Variants in ZZZ3 observed in about 807,000 individuals in gnomAD.
The protein encoded by ZZZ3 is ZZ-type zinc finger-containing protein 3.
A neutral mutation model predicts 95.2 loss-of-function variants in ZZZ3; 22 were observed. The ratio of observed to expected loss-of-function variants is 0.23; its 90% CI spans 0.17 to 0.33. The LOEUF (loss-of-function observed/expected upper bound fraction) is 0.33, where lower values mean the gene tolerates loss of function less well. ZZZ3 is among the 10% of genes least tolerant of loss of function. The pLI is 1.00. For synonymous variants in ZZZ3, 335 were observed against 358.9 expected, an observed-to-expected ratio of 0.93 and a Z score of 0.75; for missense variants, 885 against 1,066.5, an observed-to-expected ratio of 0.83 and a Z score of 2.37.
rs569773653 is a variant in ZZZ3, at chr1:77,659,057, A to G, written c.-402-17402T>C. ...AACATGGAGAAACCCCGTCTCTACT[A>G]AAAATACAAAATTAGCCGGGCGTAG... On this transcript the variant is annotated intron_variant, in intron 1 of 14. Coordinates refer to ENST00000370801, the MANE Select transcript of ZZZ3 (RefSeq NM_015534.6). Among the ~76,000 whole-genome samples, 362 of 151,858 alleles carry G rather than the reference A, an allele frequency of 2.4e-3. 1 individual carries two copies. Among genetic ancestry groups the G allele is most frequent in the South Asian group, 4.0e-3 (19 of 4,798 alleles).
At chr1:77,609,883 A>T (rs1416520286) in intron 5 of ZZZ3, among the ~76,000 whole-genome samples, 1 of 152,092 alleles carries the variant, frequency 6.6e-6, no homozygotes, top group Non-Finnish European at 1.5e-5. Flanking sequence ...AGGATACAGC[A>T]AAAGCCATGC....
chr1:77,624,634 T>C (rs971797724), intron 5 of ZZZ3, among the ~76,000 whole-genome samples: 1 of 152,180 alleles, frequency 6.6e-6, no homozygotes, highest in African/African-American at 2.4e-5. Flanking sequence ...TTCATCTGAC[T>C]CTTCATTTGG....
chr1:77,668,438 CCT>C (rs370092989), intron 1 of ZZZ3, among the ~76,000 whole-genome samples: 10 of 152,080 alleles, frequency 6.6e-5, no homozygotes, highest in African/African-American at 1.9e-4. Context: ...CTTCTCTGAG[CCT>C]CTGTTTCCAC....
chr1:77,574,982 G>T (rs1661779156), intron 12 of ZZZ3, among the ~76,000 whole-genome samples: 1 of 152,086 alleles, frequency 6.6e-6, no homozygotes, highest in South Asian at 2.1e-4. Flanking sequence ...TCAGGACATC[G>T]AGAATATCCT....
intron 4 of ZZZ3, among the ~76,000 whole-genome samples, chr1:77,638,968 A>G (rs1208243927): frequency 1.3e-5 from 2 of 152,154 alleles, no homozygotes; most frequent in East Asian, 1.9e-4. Context: ...TTAAATAGTC[A>G]CCTCTTTGAA....
At chr1:77,598,157 G>A (rs1424592522) in intron 5 of ZZZ3, among the ~76,000 whole-genome samples, 2 of 152,082 alleles carry the variant, frequency 1.3e-5, no homozygotes. Flanking sequence ...GACTACTGTT[G>A]ACCCAGAAGC....
At chr1:77,576,663 G>C (rs536147356) in intron 11 of ZZZ3, among the ~76,000 whole-genome samples, 4 of 151,916 alleles carry the variant, frequency 2.6e-5, no homozygotes, top group Non-Finnish European at 4.4e-5. Flanking sequence ...AACATTGATT[G>C]ACTGCTTATT....
chr1:77,645,887 C>T lies in ZZZ3; in HGVS notation c.-402-4232G>A, dbSNP rs566288173. Among the ~76,000 whole-genome samples the T allele has an allele frequency of 5.4e-4, 81 of 150,836 alleles. 1 individual carries two copies. The highest frequency in any genetic ancestry group is 1.0e-3 in the Non-Finnish European group (68 of 67,844). On this transcript the variant is annotated intron_variant, in intron 1 of 14. Transcript: ENST00000370801. ...TCGGGAGGCTGAGGCAGAAGAATTG[C>T]TTGAACCTGGGAGGTGGTGGTTGCA... is the stretch of plus-strand genomic sequence containing the variant.
chr1:77,589,535 T>G (rs1202242120), intron 5 of ZZZ3, among the ~76,000 whole-genome samples: 1 of 151,974 alleles, frequency 6.6e-6, no homozygotes, highest in Non-Finnish European at 1.5e-5. Context: ...ACTCCTGGGC[T>G]AAAGTGATCC....
At position 77,622,153 on chromosome 1, in the gene ZZZ3, A is replaced by G. The variant is rs988489507; in HGVS notation, c.1505+9697T>C. Among the ~76,000 whole-genome samples the G allele has an allele frequency of 3.4e-3, 507 of 151,054 alleles. 4 individuals are homozygous for G. Among genetic ancestry groups the G allele is most frequent in the African/African-American group, 0.012 (482 of 41,220 alleles). ...TGTCTCCACAAAAAAAAAAAAAAAA[A>G]AAAATTAGCCAGGTGTGGTGGCACA... On this transcript the variant is annotated intron_variant, in intron 5 of 14. Coordinates refer to ENST00000370801, the MANE Select transcript of ZZZ3 (RefSeq NM_015534.6).
At chr1:77,590,199 C>A (rs1292469272) in intron 5 of ZZZ3, among the ~76,000 whole-genome samples, 2 of 152,160 alleles carry the variant, frequency 1.3e-5, no homozygotes, top group African/African-American at 4.8e-5. Flanking sequence ...ATGGTGAAGC[C>A]CCTGTCTCTA....
chr1:77,607,568 G>A (rs1181572115), intron 5 of ZZZ3, among the ~76,000 whole-genome samples: 2 of 152,196 alleles, frequency 1.3e-5, no homozygotes, highest in African/African-American at 4.8e-5. Context: ...ATCAGAGTCT[G>A]TTAATAGAAA....
chr1:77,568,618 T>TA, intron 12 of ZZZ3, 152 bp from the exon 13 acceptor site: 1 of 424,340 alleles, frequency 2.4e-6, no homozygotes, highest in Non-Finnish European at 4.0e-6. Flanking sequence ...TTATTAGCAG[T>TA]ATTTTCCACT....
intron 1 of ZZZ3, among the ~76,000 whole-genome samples, chr1:77,652,862 T>C (rs1669932718): frequency 6.6e-6 from 1 of 152,148 alleles, no homozygotes; most frequent in Non-Finnish European, 1.5e-5. Context: ...AATGGTTACA[T>C]ATTGTAAAAT....
At chr1:77,581,912 C>A (rs749313052) in intron 7 of ZZZ3, 21 bp from the exon 8 acceptor site, 1 of 1,608,184 alleles carries the variant, frequency 6.2e-7, no homozygotes, top group South Asian at 1.1e-5. Context: ...AGACCACATA[C>A]AGAACTGTTA....
At chr1:77,618,362 A>G (rs1666531630) in intron 5 of ZZZ3, among the ~76,000 whole-genome samples, 1 of 148,044 alleles carries the variant, frequency 6.8e-6, no homozygotes, top group Admixed American at 7.0e-5. Context: ...CTCTTTAGAG[A>G]CTGTGACGAG....
chr1:77,634,455 C>T (rs1668117891), intron 4 of ZZZ3, among the ~76,000 whole-genome samples: 1 of 152,064 alleles, frequency 6.6e-6, no homozygotes, highest in Non-Finnish European at 1.5e-5. Context: ...AAGAACAAAA[C>T]AAAGCAAACC....
chr1:77,630,669 T>C (rs2100838417), intron 5 of ZZZ3, among the ~76,000 whole-genome samples: 1 of 152,270 alleles, frequency 6.6e-6, no homozygotes, highest in East Asian at 1.9e-4. Context: ...TCAGATGACA[T>C]GAACTATCAA....
intron 4 of ZZZ3, among the ~76,000 whole-genome samples, chr1:77,635,452 G>A (rs1024154166): frequency 4.6e-5 from 7 of 152,148 alleles, no homozygotes; most frequent in Non-Finnish European, 8.8e-5. Context: ...TTGTTTGGGG[G>A]ATTCATTAAA....
Sources: allele counts gnomAD v4.1 joint callset (sites outside exome capture counted in the v4.1 genomes callset), GRCh38; gene constraint gnomAD v4.1.1; transcripts MANE v1.5; gene names NCBI Gene and HGNC (gene_info 2026-07-23, HGNC 2026-07-21).